OXSR1: variants seen among roughly 807,000 people sequenced by gnomAD.
OXSR1 encodes oxidative stress responsive kinase 1, also known as serine/threonine-protein kinase OSR1.
A neutral mutation model predicts 79.8 loss-of-function variants in OXSR1; 24 were observed. That is an observed-to-expected ratio of 0.30 (90% CI 0.22 to 0.42). The LOEUF is 0.42. OXSR1 is among the 10% of genes least tolerant of loss of function. OXSR1 has a pLI of 1.00. For missense variants in OXSR1, 430 were observed against 618.4 expected (o/e 0.70, Z 3.23); for synonymous variants, 226 against 209.2 (o/e 1.08, Z -0.69).
Position 38,178,319 on chromosome 3 carries a change from T to A in OXSR1, c.71-4684T>A, listed in dbSNP as rs540997944. Among the ~76,000 whole-genome samples, 18 of 152,278 alleles carry A rather than the reference T, an allele frequency of 1.2e-4. No homozygotes were observed. In the South Asian group the frequency reaches 3.5e-3, roughly 30 times the overall value. On this transcript the variant is annotated intron_variant, in intron 1 of 17. Coordinates refer to ENST00000311806, the MANE Select transcript of OXSR1 (RefSeq NM_005109.3). ...TTTATTCATGTTGGTGTTGTATGTA[T>A]GGTTGTATTTATCCATGTTGGTGTT...
intron 1 of OXSR1, among the ~76,000 whole-genome samples, chr3:38,181,354 G>GTT (rs1201344941): frequency 9.1e-4 from 116 of 128,118 alleles, no homozygotes; most frequent in South Asian, 1.7e-3. Flanking sequence ...TGTTTCAAAA[G>GTT]TTTTTTTTTT....
In OXSR1 at chr3:38,165,570, C is replaced by T. The variant is rs979354569; in HGVS notation, c.-307C>T. The stretch of plus-strand genomic sequence containing the variant: ...CGTGGGGCTGGGGTGGAGGGCGGGA[C>T]AGAGGGGCTGGGCCCAGGCAAAGCT... On this transcript the variant is annotated 5_prime_UTR_variant, in exon 1 of 18. Coordinates refer to ENST00000311806, the MANE Select transcript of OXSR1 (RefSeq NM_005109.3). The T allele has an allele frequency of 2.3e-5, 9 of 388,590 alleles. No homozygotes were observed. The highest frequency in any genetic ancestry group is 3.7e-5 in the Non-Finnish European group (8 of 215,914). 24.1% of individuals were successfully genotyped at this position (388,590 alleles called of 1,614,324 possible). A position where few individuals can be genotyped will look rare whatever the true frequency, so the allele number is the denominator to read the frequency against.
intron 12 of OXSR1, among the ~76,000 whole-genome samples, chr3:38,243,235 G>T: frequency 6.6e-6 from 1 of 151,932 alleles, no homozygotes; most frequent in East Asian, 1.9e-4. Flanking sequence ...TCACCATGTT[G>T]CCCTGGCTGG....
At chr3:38,228,700 AG>A (rs2125841139) in intron 8 of OXSR1, among the ~76,000 whole-genome samples, 1 of 152,254 alleles carries the variant, frequency 6.6e-6, no homozygotes, top group East Asian at 1.9e-4. Context: ...CCTCCCAAGT[AG>A]CTGGGACTAC....
chr3:38,164,782 T>G (rs992774631), upstream of OXSR1, among the ~76,000 whole-genome samples: 9 of 152,070 alleles, frequency 5.9e-5, no homozygotes, highest in African/African-American at 1.9e-4. Flanking sequence ...GATCTAAAGC[T>G]GCGAATGGAC....
intron 10 of OXSR1, among the ~76,000 whole-genome samples, chr3:38,231,923 A>G (rs1183783297): frequency 6.6e-6 from 1 of 152,132 alleles, no homozygotes; most frequent in Non-Finnish European, 1.5e-5. Flanking sequence ...CCTGGCCAAC[A>G]TGGTGAAACC....
intron 1 of OXSR1, among the ~76,000 whole-genome samples, chr3:38,176,450 T>C (rs1190367675): frequency 6.6e-6 from 1 of 152,250 alleles, no homozygotes; most frequent in East Asian, 1.9e-4. Flanking sequence ...GAGAACGTCA[T>C]TGATTATTCT....
intron 12 of OXSR1, among the ~76,000 whole-genome samples, chr3:38,243,008 T>TTATG (rs1345380661): frequency 3.1e-5 from 4 of 129,926 alleles, no homozygotes; most frequent in African/African-American, 1.2e-4. Flanking sequence ...GAAAAGTTAT[T>TTATG]TATTTATTTA....
At chr3:38,233,768 T>C (rs1321609500) in intron 10 of OXSR1, among the ~76,000 whole-genome samples, 1 of 151,732 alleles carries the variant, frequency 6.6e-6, no homozygotes, top group Non-Finnish European at 1.5e-5. Context: ...AAAAATTAGC[T>C]GGGCATGGTG....
intron 17 of OXSR1, among the ~76,000 whole-genome samples, chr3:38,252,606 C>G (rs1037571102): frequency 6.6e-6 from 1 of 152,130 alleles, no homozygotes; most frequent in African/African-American, 2.4e-5. Context: ...AGACCCTTGG[C>G]TATTCATAAG....
Position 38,165,800 on chromosome 3 carries a change from G to T in OXSR1, c.-77G>T, listed in dbSNP as rs1024956991. ...GCGGCGGCGGCGGCGGCGGCTGTTGGGGGTGGGGAGACGCGCGGCGAGGAG... is the reference window on the plus strand; with the variant it reads ...GCGGCGGCGGCGGCGGCGGCTGTTGTGGGTGGGGAGACGCGCGGCGAGGAG... On this transcript the variant is annotated 5_prime_UTR_variant, in exon 1 of 18. Transcript: ENST00000311806. The T allele has an allele frequency of 2.3e-6, 3 of 1,309,848 alleles. No individual in the cohort carries two copies. Among genetic ancestry groups the T allele is most frequent in the Admixed American group, 3.9e-5 (2 of 51,010 alleles). The allele number at this position is 1,309,848 out of a possible 1,614,324, so 81.1% of individuals were successfully genotyped here. A position where few individuals can be genotyped will look rare whatever the true frequency, so the allele number is the denominator to read the frequency against.
chr3:38,172,252 A>G (rs1438357129), intron 1 of OXSR1, among the ~76,000 whole-genome samples: 1 of 151,934 alleles, frequency 6.6e-6, no homozygotes, highest in African/African-American at 2.4e-5. Context: ...TTATTTTCGC[A>G]TCTTTTTTTT....
intron 3 of OXSR1, among the ~76,000 whole-genome samples, chr3:38,194,885 G>A (rs746082250): frequency 2.6e-5 from 4 of 152,138 alleles, no homozygotes; most frequent in Non-Finnish European, 5.9e-5. Context: ...ATTTAGGAAC[G>A]TTGTACTGTT....
intron 1 of OXSR1, among the ~76,000 whole-genome samples, chr3:38,178,188 T>C (rs1701708889): frequency 6.6e-6 from 1 of 152,170 alleles, no homozygotes; most frequent in African/African-American, 2.4e-5. Flanking sequence ...TTGGCTCAAG[T>C]GACCTGCCCA....
intron 11 of OXSR1, among the ~76,000 whole-genome samples, chr3:38,241,881 A>T (rs1373862058): frequency 2.7e-5 from 4 of 148,498 alleles, no homozygotes; most frequent in South Asian, 2.1e-4. Context: ...AACTTTGATT[A>T]CTCCTTAATG....
chr3:38,215,576 A>G (rs2125831783), intron 4 of OXSR1, among the ~76,000 whole-genome samples: 1 of 152,308 alleles, frequency 6.6e-6, no homozygotes, highest in Non-Finnish European at 1.5e-5. Context: ...GAGTACTTAG[A>G]CTTGAGAATG....
chr3:38,242,493 A>G (rs1212906846), intron 11 of OXSR1, among the ~76,000 whole-genome samples: 1 of 152,224 alleles, frequency 6.6e-6, no homozygotes, highest in African/African-American at 2.4e-5. Flanking sequence ...AAAGCTCACA[A>G]TTTTAAAATA....
At chr3:38,222,398 C>T (rs934918451) in intron 6 of OXSR1, among the ~76,000 whole-genome samples, 2 of 152,088 alleles carry the variant, frequency 1.3e-5, no homozygotes, top group Admixed American at 6.6e-5. Context: ...GACACGGAAC[C>T]GAAATCTGCT....
intron 2 of OXSR1, among the ~76,000 whole-genome samples, 191 bp from the exon 3 acceptor site, chr3:38,190,540 A>T (rs1701964140): frequency 1.3e-5 from 2 of 152,156 alleles, no homozygotes; most frequent in Non-Finnish European, 2.9e-5. Flanking sequence ...TGAGTGAAGG[A>T]AATTGAGTCA....
Sources: gnomAD v4.1 joint callset for allele counts (sites outside exome capture counted in the v4.1 genomes callset) on GRCh38, gnomAD v4.1.1 for gene constraint, MANE v1.5 for transcripts, NCBI Gene and HGNC (gene_info 2026-07-23, HGNC 2026-07-21) for gene names.